CDKL5: variants seen among roughly 807,000 people sequenced by gnomAD.
CDKL5 encodes cyclin dependent kinase like 5.
Under a neutral mutation model 61.7 loss-of-function variants are expected in CDKL5, and 8 were observed. That is an observed-to-expected ratio of 0.13 (90% CI 0.08 to 0.23). The LOEUF (loss-of-function observed/expected upper bound fraction) is 0.23. Among genes scored for constraint, CDKL5 ranks in the 10% least tolerant of loss-of-function variants. CDKL5 has a pLI of 1.00. For missense variants in CDKL5, 440 were observed against 734.5 expected, an observed-to-expected ratio of 0.60 and a Z score of 4.63; for synonymous variants, 275 against 272.3, an observed-to-expected ratio of 1.01 and a Z score of -0.10.
In CDKL5 at chrX:18,608,815, G is replaced by A. The variant is rs773251215; in HGVS notation, c.1949G>A (p.Gly650Glu). The change falls in exon 13 of 18, where the codon GGA becomes GAA. Residue 650 changes from glycine to glutamate, a missense_variant. Physicochemically the swap from Gly to Glu is moderately conservative, Grantham distance 98. Transcript: ENST00000623535. ...NSLQLLSPQP[G>E]EQLPPEMTVA... ...CCTTTTAAATTTTACTTCCAGCCTGGAGAACAGCTCCCTCCAGAGATGACT... is the reference window on the plus strand; with the variant it reads ...CCTTTTAAATTTTACTTCCAGCCTGAAGAACAGCTCCCTCCAGAGATGACT... The A allele has an allele frequency of 8.3e-7, 1 of 1,198,502 alleles. No individual in the cohort carries two copies. The highest frequency in any genetic ancestry group is 1.8e-5 in the South Asian group (1 of 56,565).
intron 1 of CDKL5, among the ~76,000 whole-genome samples, chrX:18,506,688 G>T (rs1922589665): frequency 9.0e-6 from 1 of 111,573 alleles, no homozygotes; most frequent in African/African-American, 3.3e-5. Context: ...AGTTAGCTGT[G>T]GTTAATTCAT....
At position 18,579,940 on chromosome X, in the gene CDKL5, G is replaced by C. The variant is rs372825651; in HGVS notation, c.375G>C (p.Trp125Cys). 1.2e-5 allele frequency: 15 copies of C among 1,201,579 alleles called. No homozygotes were observed. The highest frequency in any genetic ancestry group is 1.7e-5 in the Non-Finnish European group (15 of 886,629). Reference protein sequence around the residue: ...YIYQLIKAIHWCHKNDIVHRD... With the variant: ...YIYQLIKAIHCCHKNDIVHRD... ...ATCAGCTAATCAAGGCTATTCACTG[G>C]TGCCATAAGAATGATATTGTCCATC... The change falls in exon 6 of 18, where the codon TGG becomes TGC. Residue 125 changes from tryptophan (W) to cysteine (C), a missense_variant. Trp to Cys is a radical substitution (Grantham distance 215). This residue lies in a region of CDKL5 where 77 missense variants were observed against 218.2 expected (regional missense o/e 0.35). Transcript: ENST00000623535.
chrX:18,472,832 G>T (rs1204847709), intron 1 of CDKL5, among the ~76,000 whole-genome samples: 1 of 109,807 alleles, frequency 9.1e-6, no homozygotes, highest in Non-Finnish European at 1.9e-5. Context: ...TTTAGGGCAT[G>T]ATAAGATATA....
chrX:18,500,188 T>C (rs1018660245), intron 1 of CDKL5, among the ~76,000 whole-genome samples: 1 of 111,980 alleles, frequency 8.9e-6, no homozygotes, highest in African/African-American at 3.2e-5. Flanking sequence ...AATAGTTGTA[T>C]ATATTTATGG....
intron 15 of CDKL5, among the ~76,000 whole-genome samples, chrX:18,613,518 T>C (rs1238466586): frequency 3.6e-5 from 4 of 112,234 alleles, no homozygotes; most frequent in African/African-American, 9.7e-5. Context: ...TGATACGCTT[T>C]CCACTGTGTT....
intron 1 of CDKL5, among the ~76,000 whole-genome samples, chrX:18,474,945 A>ATTATTTT (rs1287653366): frequency 1.8e-5 from 2 of 110,034 alleles, no homozygotes; most frequent in Admixed American, 9.7e-5. Context: ...AAACTTTGTA[A>ATTATTTT]TTATTTTTTG....
intron 3 of CDKL5, among the ~76,000 whole-genome samples, chrX:18,524,674 T>C (rs1181329073): frequency 3.6e-5 from 4 of 112,174 alleles, no homozygotes; most frequent in Middle Eastern, 4.6e-3. Context: ...TGAAACCTCA[T>C]TGCCAAACTG....
At chrX:18,646,132 C>T (rs1338405284) in intron 20 of CDKL5, 2 of 1,208,613 alleles carry the variant, frequency 1.7e-6, no homozygotes, top group African/African-American at 3.5e-5. Context: ...GCCATAACGA[C>T]CCTAGACTAC....
At chrX:18,566,699 A>T (rs1924980436) in intron 4 of CDKL5, among the ~76,000 whole-genome samples, 2 of 111,871 alleles carry the variant, frequency 1.8e-5, no homozygotes, top group Non-Finnish European at 3.8e-5. Flanking sequence ...ACAATAAAAC[A>T]CAGTAGAAAA....
At chrX:18,651,693 C>CTG (rs1362778547) in intron 21 of CDKL5, among the ~76,000 whole-genome samples, 1 of 111,737 alleles carries the variant, frequency 8.9e-6, no homozygotes, top group African/African-American at 3.3e-5. Context: ...TTCAAAAATC[C>CTG]TGTCTGCACA....
intron 1 of CDKL5, among the ~76,000 whole-genome samples, chrX:18,478,245 C>T (rs1247704663): frequency 9.8e-6 from 1 of 101,612 alleles, no homozygotes; most frequent in African/African-American, 3.6e-5. Flanking sequence ...AATGTGTCAT[C>T]TTACTGCCTT....
At chrX:18,589,582 A>G (rs1259153529) in intron 9 of CDKL5, 1 of 111,553 alleles carries the variant, frequency 9.0e-6, no homozygotes, top group Non-Finnish European at 1.9e-5. Flanking sequence ...GCTATTGTGA[A>G]TAGTGCCGCA....
chrX:18,449,143 C>G (rs768902319), intron 1 of CDKL5, among the ~76,000 whole-genome samples: 1 of 112,866 alleles, frequency 8.9e-6, no homozygotes, highest in South Asian at 3.6e-4. Flanking sequence ...GCGTGAGCCA[C>G]TGCGCCCGGC....
chrX:18,528,036 C>T (rs1044694500), intron 3 of CDKL5, among the ~76,000 whole-genome samples: 8 of 110,742 alleles, frequency 7.2e-5, no homozygotes, highest in African/African-American at 2.3e-4. Context: ...ATTTTTATTC[C>T]GTTGTGGTAT....
intron 1 of CDKL5, among the ~76,000 whole-genome samples, chrX:18,447,975 A>G (rs909786954): frequency 4.6e-5 from 5 of 109,869 alleles, no homozygotes; most frequent in African/African-American, 1.7e-4. Flanking sequence ...TGGTCTCAGA[A>G]CTCCTGGTTT....
At chrX:18,528,302 T>C (rs1026136678) in intron 3 of CDKL5, among the ~76,000 whole-genome samples, 1 of 104,190 alleles carries the variant, frequency 9.6e-6, no homozygotes, top group African/African-American at 3.5e-5. Context: ...TGTTAAAGTA[T>C]CCAACTATAG....
At chrX:18,484,736 A>G (rs920785301) in intron 1 of CDKL5, among the ~76,000 whole-genome samples, 1 of 110,217 alleles carries the variant, frequency 9.1e-6, no homozygotes, top group African/African-American at 3.3e-5. Context: ...AATCATCACT[A>G]GATGGTAAAT....
At chrX:18,613,063 C>T in intron 14 of CDKL5, 89 bp from the exon 15 acceptor site, 1 of 878,629 alleles carries the variant, frequency 1.1e-6, no homozygotes, top group Non-Finnish European at 1.5e-6. Flanking sequence ...CCACTGCACT[C>T]CAGCCTGGGT....
At chrX:18,483,862 A>G (rs977736664) in intron 1 of CDKL5, among the ~76,000 whole-genome samples, 1 of 112,399 alleles carries the variant, frequency 8.9e-6, no homozygotes, top group African/African-American at 3.2e-5. Context: ...AACAATATTT[A>G]AATTTGAAAT....
Sources: gnomAD v4.1 joint callset for allele counts (sites outside exome capture counted in the v4.1 genomes callset) on GRCh38, gnomAD v4.1.1 for gene constraint, gnomAD v4.1.1 regional missense constraint, MANE v1.5 for transcripts, NCBI Gene and HGNC (gene_info 2026-07-23, HGNC 2026-07-21) for gene names.